Variants in TBC1D5 observed in about 807,000 individuals in gnomAD.
The protein encoded by TBC1D5 is TBC1 domain family, member 5.
Under a neutral mutation model 100.3 loss-of-function variants are expected in TBC1D5, and 75 were observed. That is an observed-to-expected ratio of 0.75 (90% CI 0.62 to 0.91). The LOEUF is 0.91. Among genes scored for constraint, TBC1D5 ranks in the 40% least tolerant of loss-of-function variants. The pLI, the probability that TBC1D5 is intolerant of heterozygous loss-of-function variation, is 0.00. For missense variants in TBC1D5, 910 were observed against 942.4 expected (o/e 0.97, Z 0.45); for synonymous variants, 323 against 325.6 (o/e 0.99, Z 0.09).
intron 17 of TBC1D5, among the ~76,000 whole-genome samples, chr3:17,226,309 C>T (rs2074896133): frequency 7.9e-6 from 1 of 126,424 alleles, no homozygotes; most frequent in Non-Finnish European, 1.8e-5. Context: ...TCTCTACATA[C>T]CTTTTTTTTT....
chr3:17,586,724 T>G (rs1443003046), intron 2 of TBC1D5, among the ~76,000 whole-genome samples: 1 of 152,094 alleles, frequency 6.6e-6, no homozygotes, highest in East Asian at 1.9e-4. Context: ...GTTAGCCTAC[T>G]CATTAATCAC....
At chr3:17,438,208 A>G (rs1398695903) in intron 3 of TBC1D5, among the ~76,000 whole-genome samples, 2 of 152,240 alleles carry the variant, frequency 1.3e-5, no homozygotes, top group Non-Finnish European at 2.9e-5. Context: ...TCCACTTAGC[A>G]CATAAACAAC....
intron 3 of TBC1D5, among the ~76,000 whole-genome samples, chr3:17,500,838 T>C (rs2095778632): frequency 6.7e-6 from 1 of 149,548 alleles, no homozygotes; most frequent in Non-Finnish European, 1.5e-5. Context: ...GTCTCATACC[T>C]TGAATTGGCA....
intron 16 of TBC1D5, among the ~76,000 whole-genome samples, chr3:17,246,941 C>T (rs376600095): frequency 1.3e-5 from 2 of 152,154 alleles, no homozygotes; most frequent in African/African-American, 4.8e-5. Flanking sequence ...CTGATAAAAG[C>T]GTCTTTATAT....
intron 2 of TBC1D5, among the ~76,000 whole-genome samples, chr3:17,537,313 G>A (rs1576582190): frequency 6.6e-6 from 1 of 152,154 alleles, no homozygotes; most frequent in East Asian, 1.9e-4. Flanking sequence ...CTCAGGTCTT[G>A]CTTATAATTT....
At chr3:17,292,517 G>A (rs2081870317) in intron 14 of TBC1D5, among the ~76,000 whole-genome samples, 1 of 152,142 alleles carries the variant, frequency 6.6e-6, no homozygotes, top group African/African-American at 2.4e-5. Context: ...TTTTTCTAAA[G>A]GTAACAAGAG....
In TBC1D5 at chr3:17,313,423, A is replaced by C. The variant is rs568979278; in HGVS notation, c.996-5289T>G. On this transcript the variant is annotated intron_variant, in intron 13 of 21. Coordinates refer to ENST00000253692, the Ensembl canonical transcript of TBC1D5. ...CAGTTTTTACTTCTAGAAAGTCTGT[A>C]AATAGGCTTTGCTCTACCATTTTAC... Among the ~76,000 whole-genome samples, 13 of 152,312 alleles carry C rather than the reference A, an allele frequency of 8.5e-5. 1 individual carries two copies. The South Asian group carries it at 2.7e-3, about 32-fold the overall frequency.
chr3:17,670,132 C>G (rs190389182), intron 1 of TBC1D5, among the ~76,000 whole-genome samples: 57 of 152,292 alleles, frequency 3.7e-4, no homozygotes. Context: ...AGGTGATCTG[C>G]TCACCTCGGC....
chr3:17,205,362 A>G (rs1575947579), intron 18 of TBC1D5, among the ~76,000 whole-genome samples: 1 of 152,318 alleles, frequency 6.6e-6, no homozygotes, highest in East Asian at 1.9e-4. Flanking sequence ...GGAAGTATAC[A>G]TCACTGACTG....
At chr3:17,579,605 T>C (rs797015543) in intron 2 of TBC1D5, among the ~76,000 whole-genome samples, 8 of 152,254 alleles carry the variant, frequency 5.3e-5, no homozygotes, top group African/African-American at 1.4e-4. Flanking sequence ...ATCACAAAAG[T>C]GGCAGCTATG....
At chr3:17,161,892 C>T (rs1473820067) in intron 21 of TBC1D5, among the ~76,000 whole-genome samples, 1 of 152,114 alleles carries the variant, frequency 6.6e-6, no homozygotes, top group Non-Finnish European at 1.5e-5. Context: ...ATGGTGGTAA[C>T]CGGTAGGTTC....
intron 3 of TBC1D5, among the ~76,000 whole-genome samples, chr3:17,440,454 A>G (rs544271644): frequency 1.3e-5 from 2 of 152,024 alleles, no homozygotes; most frequent in East Asian, 1.9e-4. Context: ...GGCAAAACTC[A>G]TATTTACAAA....
intron 1 of TBC1D5, among the ~76,000 whole-genome samples, chr3:17,660,553 T>C (rs184926680): frequency 2.7e-4 from 41 of 152,338 alleles, no homozygotes; most frequent in African/African-American, 8.9e-4. Context: ...GAAACAACTT[T>C]TAGTCTCCAA....
intron 1 of TBC1D5, among the ~76,000 whole-genome samples, chr3:17,689,258 G>C (rs1432223530): frequency 6.6e-6 from 1 of 152,116 alleles, no homozygotes; most frequent in African/African-American, 2.4e-5. Flanking sequence ...TCACAACAAA[G>C]TCCGGGCACA....
intron 4 of TBC1D5, among the ~76,000 whole-genome samples, chr3:17,421,442 T>C (rs936390952): frequency 4.6e-5 from 7 of 152,196 alleles, no homozygotes; most frequent in African/African-American, 1.7e-4. Context: ...GTTCCTCTTA[T>C]ATAATCTATA....
intron 2 of TBC1D5, among the ~76,000 whole-genome samples, chr3:17,509,074 T>A (rs2095873761): frequency 6.6e-6 from 1 of 152,090 alleles, no homozygotes; most frequent in African/African-American, 2.4e-5. Context: ...TCTGGGCATT[T>A]AAAATACATA....
intron 15 of TBC1D5, among the ~76,000 whole-genome samples, chr3:17,262,887 G>C (rs1039074579): frequency 2.6e-5 from 4 of 151,930 alleles, no homozygotes; most frequent in Non-Finnish European, 5.9e-5. Flanking sequence ...TGTGTGCAGA[G>C]GAATACCAAT....
At chr3:17,659,014 G>A (rs1175498094) in intron 1 of TBC1D5, among the ~76,000 whole-genome samples, 2 of 152,058 alleles carry the variant, frequency 1.3e-5, no homozygotes, top group Non-Finnish European at 2.9e-5. Flanking sequence ...TCAGAATTTG[G>A]GAGACAGAGC....
intron 4 of TBC1D5, among the ~76,000 whole-genome samples, chr3:17,413,642 C>A (rs940466929): frequency 1.3e-5 from 2 of 152,060 alleles, no homozygotes; most frequent in Non-Finnish European, 2.9e-5. Flanking sequence ...ACCTTTATAA[C>A]CTACATGATG....
Sources: allele counts gnomAD v4.1 joint callset (sites outside exome capture counted in the v4.1 genomes callset), GRCh38; gene constraint gnomAD v4.1.1; transcripts MANE v1.5; gene names NCBI Gene and HGNC (gene_info 2026-07-23, HGNC 2026-07-21).